The following TTC23L variants were observed in gnomAD, a reference collection of about 807,000 sequenced individuals.
The protein encoded by TTC23L is tetratricopeptide repeat protein 23-like.
TTC23L carries 42 observed loss-of-function variants against 48.1 expected under a neutral mutation model. The observed-to-expected ratio is 0.87, with a 90% confidence interval of 0.68 to 1.13. TTC23L has a LOEUF of 1.13. Ranked by LOEUF, TTC23L falls within the 50% of genes most tolerant of loss-of-function variation. The pLI is 0.00. For missense variants in TTC23L, 391 were observed against 421.0 expected (o/e 0.93, Z 0.62); for synonymous variants, 159 against 157.2 (o/e 1.01, Z -0.09).
chr5:34,868,969 T>A lies in TTC23L; in HGVS notation c.905T>A (p.Leu302Ter). Reference sequence around the variant, plus strand: ...CCCAAAACTGCAGAAATGAGTGCGTTACTGGCCAAAGCTTATGCCATGTCT... The same window carrying A: ...CCCAAAACTGCAGAAATGAGTGCGTAACTGGCCAAAGCTTATGCCATGTCT... The change falls in exon 8 of 11, where the codon TTA (leucine) becomes TAA (stop). Residue 302 changes from leucine to a stop codon, truncating the protein, a stop_gained. Coordinates refer to ENST00000505624, the Ensembl canonical transcript of TTC23L. LOFTEE classifies it high-confidence loss of function. The A allele has an allele frequency of 1.2e-6, 2 of 1,611,336 alleles. No homozygotes were observed. Among genetic ancestry groups the A allele is most frequent in the Non-Finnish European group, 8.5e-7 (1 of 1,178,750 alleles).
chr5:34,871,387 C>A (rs1357302948), intron 8 of TTC23L, among the ~76,000 whole-genome samples: 1 of 151,956 alleles, frequency 6.6e-6, no homozygotes, highest in African/African-American at 2.4e-5. Flanking sequence ...CTGAAAACTA[C>A]AAAACTGATG....
chr5:34,857,807 A>G (rs1760249856), intron 4 of TTC23L, among the ~76,000 whole-genome samples: 1 of 152,216 alleles, frequency 6.6e-6, no homozygotes, highest in African/African-American at 2.4e-5. Flanking sequence ...AACTTTTTCA[A>G]GTCATAAGGA....
intron 4 of TTC23L, among the ~76,000 whole-genome samples, chr5:34,861,983 C>A (rs1760700218): frequency 6.6e-6 from 1 of 152,132 alleles, no homozygotes; most frequent in African/African-American, 2.4e-5. Flanking sequence ...AAGGGGGATG[C>A]CCTTTCACCC....
intron 3 of TTC23L, among the ~76,000 whole-genome samples, chr5:34,846,667 ATGTGTGTGTGTGTGTGTGTGTG>A (rs869123650): frequency 3.0e-5 from 2 of 66,344 alleles, no homozygotes; most frequent in South Asian, 8.0e-4. Flanking sequence ...ATATGTGTGT[ATGTGTGTGTGTGTGTGTGTGTG>A]TGTGTGTGTG....
chr5:34,924,923 G>A, the TTC23L span: 6 of 1,613,588 alleles, frequency 3.7e-6, no homozygotes, highest in Admixed American at 5.0e-5. Context: ...TTCCAGGGAA[G>A]TTTTGGAGGA....
At chr5:34,916,147 G>C in the TTC23L span, 5 of 383,600 alleles carry the variant, frequency 1.3e-5, no homozygotes, top group Non-Finnish European at 2.3e-5. Flanking sequence ...CTTACAGGGT[G>C]CTCAGATCCA....
the TTC23L span, among the ~76,000 whole-genome samples, chr5:34,919,382 TTTG>T: frequency 6.6e-6 from 1 of 151,984 alleles, no homozygotes; most frequent in African/African-American, 2.4e-5. Flanking sequence ...TTTTTTGTTT[TTTG>T]TTTTTTATTT....
chr5:34,911,674 CT>C, the TTC23L span: 2 of 1,614,138 alleles, frequency 1.2e-6, no homozygotes, highest in Non-Finnish European at 1.7e-6. Flanking sequence ...AACATTGGTG[CT>C]GCAGAAATCA....
chr5:34,890,601 C>T (rs1762809573), intron 9 of TTC23L, among the ~76,000 whole-genome samples: 1 of 152,058 alleles, frequency 6.6e-6, no homozygotes, highest in Admixed American at 6.6e-5. Flanking sequence ...ATGAGGATAC[C>T]TGTTCAGCAG....
At chr5:34,922,654 A>C in the TTC23L span, 1 of 1,594,600 alleles carries the variant, frequency 6.3e-7, no homozygotes, top group Non-Finnish European at 8.6e-7. Context: ...ATAGTTGTGC[A>C]AAAGTTACAA....
chr5:34,913,750 T>C, the TTC23L span: 1 of 580,986 alleles, frequency 1.7e-6, no homozygotes, highest in South Asian at 2.1e-5. Flanking sequence ...AGCATCCTTA[T>C]CTCCATTCCT....
chr5:34,889,865 A>C (rs1762754932), intron 9 of TTC23L, among the ~76,000 whole-genome samples: 1 of 151,886 alleles, frequency 6.6e-6, no homozygotes, highest in African/African-American at 2.4e-5. Flanking sequence ...TTTGAGACAG[A>C]GTCTTGCTCT....
chr5:34,853,351 T>C (rs1268504242), intron 4 of TTC23L, among the ~76,000 whole-genome samples: 3 of 151,950 alleles, frequency 2.0e-5, no homozygotes, highest in Admixed American at 2.0e-4. Context: ...GTCAACATGG[T>C]GAAACCCCGT....
At chr5:34,922,914 T>A in the TTC23L span, 1 of 1,246,640 alleles carries the variant, frequency 8.0e-7, no homozygotes, top group Middle Eastern at 2.1e-4. Context: ...TATAATGAGG[T>A]TATAGCCAAG....
At chr5:34,859,782 A>G (rs1245863926) in intron 4 of TTC23L, among the ~76,000 whole-genome samples, 1 of 150,382 alleles carries the variant, frequency 6.6e-6, no homozygotes, top group African/African-American at 2.4e-5. Flanking sequence ...GATTTTTTAC[A>G]TATTCAATGC....
chr5:34,856,082 A>G (rs1481646701), intron 4 of TTC23L, among the ~76,000 whole-genome samples: 3 of 152,182 alleles, frequency 2.0e-5, no homozygotes, highest in Non-Finnish European at 2.9e-5. Flanking sequence ...AAAGATGACC[A>G]TGATGTTTTG....
chr5:34,906,020 T>C, the TTC23L span: 1 of 152,126 alleles, frequency 6.6e-6, no homozygotes, highest in Non-Finnish European at 1.5e-5. Context: ...AATGGTGCAA[T>C]CTCGGCTCAC....
At chr5:34,915,551 C>A in the TTC23L span, 1 of 652,876 alleles carries the variant, frequency 1.5e-6, no homozygotes, top group Non-Finnish European at 2.4e-6. Context: ...CCTCGGCCAC[C>A]GTCACCACAG....
the TTC23L span, chr5:34,924,856 GA>G: frequency 6.2e-7 from 1 of 1,601,618 alleles, no homozygotes; most frequent in Non-Finnish European, 8.6e-7. Context: ...GATCATAGAA[GA>G]AGATGCTGCT....
Sources: allele counts gnomAD v4.1 joint callset (sites outside exome capture counted in the v4.1 genomes callset), GRCh38; gene constraint gnomAD v4.1.1; transcripts MANE v1.5; gene names NCBI Gene and HGNC (gene_info 2026-07-23, HGNC 2026-07-21).